ABCC5: variants seen among roughly 807,000 people sequenced by gnomAD.
ABCC5 encodes ATP binding cassette subfamily C member 5.
A neutral mutation model predicts 160.9 loss-of-function variants in ABCC5; 61 were observed. The observed-to-expected ratio is 0.38, with a 90% CI of 0.31 to 0.47. The LOEUF (loss-of-function observed/expected upper bound fraction) is 0.47. ABCC5 is among the 20% of genes least tolerant of loss of function. ABCC5 has a pLI of 0.99. For synonymous variants in ABCC5, 666 were observed against 700.6 expected, an observed-to-expected ratio of 0.95 and a Z score of 0.78; for missense variants, 1,308 against 1,813.3, an observed-to-expected ratio of 0.72 and a Z score of 5.06.
Position 183,949,728 on chromosome 3 carries a change from G to A in ABCC5, c.3227+25C>T, listed in dbSNP as rs768535399. ...GCTGGGATGCTGACTCCCCTTTGAG[G>A]CCTCTAGCCCCCATCAGGACAAACC... On this transcript the variant is annotated intron_variant, in intron 22 of 29. Coordinates refer to ENST00000334444, the MANE Select transcript of ABCC5 (RefSeq NM_005688.4). The surrounding 1 kb of genome is among the most constrained non-coding windows in gnomAD (Gnocchi z 4.2). 6.2e-7 allele frequency: 1 copy of A among 1,610,572 alleles called. No homozygotes were observed.
Position 183,945,863 on chromosome 3 carries a change from T to C in ABCC5, c.3491A>G (p.Asn1164Ser), listed in dbSNP as rs1249340841. Residue 1164 changes from asparagine (N) to serine (S), a missense_variant, in exon 24 of 30, where the codon AAT becomes AGT. Asn to Ser is a conservative substitution (Grantham distance 46, BLOSUM62 1). Transcript: ENST00000334444. ...CAGCAGTCTGACCTTAATGTAGTGA[T>C]TGATCCTCTCCACCGAGGTGAATCG... ...EARFTSVERINHYIKTLSLEA... is the reference protein window; with the variant it reads ...EARFTSVERISHYIKTLSLEA... 1.9e-6 allele frequency: 3 copies of C among 1,613,966 alleles called. No homozygotes were observed. In the South Asian group the frequency reaches 3.3e-5, roughly 18 times the overall value.
intron 29 of ABCC5, among the ~76,000 whole-genome samples, chr3:183,923,575 A>G (rs1712220232): frequency 6.6e-6 from 1 of 152,174 alleles, no homozygotes; most frequent in African/African-American, 2.4e-5. Context: ...GTGAGCCAAG[A>G]TTGCACCACT....
Position 183,949,510 on chromosome 3 carries a change from C to T in ABCC5, c.3227+243G>A, listed in dbSNP as rs939155133. 6.6e-6 allele frequency among the ~76,000 whole-genome samples: 1 copy of T among 152,286 alleles called. No individual in the cohort carries two copies. ...CCTCCAGCCTCAGCCTCCTGAGTAGCTGTGACTATAGGCACGTGATGCCGC... is the reference window on the plus strand; with the variant it reads ...CCTCCAGCCTCAGCCTCCTGAGTAGTTGTGACTATAGGCACGTGATGCCGC... On this transcript the variant is annotated intron_variant, in intron 22 of 29. Transcript: ENST00000334444. This position sits in a 1 kb window ranked among gnomAD's most constrained non-coding sequence, Gnocchi z 4.2.
At position 183,971,885 on chromosome 3, in the gene ABCC5, T is replaced by C; in HGVS notation, c.1439A>G (p.Lys480Arg). 6.2e-7 allele frequency: 1 copy of C among 1,614,164 alleles called. No homozygotes were observed. Among genetic ancestry groups the C allele is most frequent in the South Asian group, 1.1e-5 (1 of 91,080 alleles). The change falls in exon 11 of 30, where the codon AAG becomes AGG. Residue 480 changes from lysine (K) to arginine (R), a missense_variant. Coordinates refer to ENST00000334444, the MANE Select transcript of ABCC5 (RefSeq NM_005688.4). ...LFLMEEVHMIKNKPASPHIKI... is the reference protein window; with the variant it reads ...LFLMEEVHMIRNKPASPHIKI... ...GATGTGAGGACTGGCTGGTTTGTTC[T>C]TTATCATGTGAACCTCTTCCATTAG... is the stretch of plus-strand genomic sequence containing the variant.
chr3:184,012,014 A>ACACACAC, intron 2 of ABCC5, among the ~76,000 whole-genome samples: 1 of 145,380 alleles, frequency 6.9e-6, no homozygotes, highest in East Asian at 2.1e-4. Flanking sequence ...CATAGAACAC[A>ACACACAC]ACACACACAC....
intron 25 of ABCC5, among the ~76,000 whole-genome samples, chr3:183,939,569 T>C (rs903901349): frequency 2.0e-5 from 3 of 152,248 alleles, no homozygotes; most frequent in Non-Finnish European, 2.9e-5. Flanking sequence ...GGTCAACATT[T>C]AGTTTATGTA....
At chr3:183,959,298 G>A (rs986702637) in intron 17 of ABCC5, among the ~76,000 whole-genome samples, 23 of 152,170 alleles carry the variant, frequency 1.5e-4, no homozygotes, top group African/African-American at 4.8e-4. Context: ...ATATTGTCAA[G>A]ACAAAGTGAC....
At chr3:184,014,526 GAA>G (rs67088806) in intron 1 of ABCC5, 79 bp from the exon 2 acceptor site, 2,970 of 526,314 alleles carry the variant, frequency 5.6e-3, no homozygotes, top group Middle Eastern at 0.01. Context: ...TTAAAAATAG[GAA>G]AAAAAAAAAA....
At position 183,989,270 on chromosome 3, in the gene ABCC5, G is replaced by A. The variant is rs778522633; in HGVS notation, c.243C>T (p.Tyr81=). ...GCTTCAGAGCACTCAAGCCATGATGGTACTTTCCCTTGGGATGCTCCTCAT... is the reference window on the plus strand; with the variant it reads ...GCTTCAGAGCACTCAAGCCATGATGATACTTTCCCTTGGGATGCTCCTCAT... ...ILDEEHPKGK[Y]HHGLSALKPI... The change falls in exon 3 of 30, where the codon TAC becomes TAT. Residue 81 remains tyrosine, a synonymous_variant. Transcript: ENST00000334444. The A allele has an allele frequency of 2.5e-6, 4 of 1,613,152 alleles. No individual in the cohort carries two copies. Among genetic ancestry groups the A allele is most frequent in the Non-Finnish European group, 3.4e-6 (4 of 1,179,584 alleles).
intron 27 of ABCC5, among the ~76,000 whole-genome samples, chr3:183,928,392 G>A (rs1368785188): frequency 6.6e-6 from 1 of 152,166 alleles, no homozygotes; most frequent in African/African-American, 2.4e-5. Context: ...GATTACAGGC[G>A]AGAGCCACTG....
At chr3:183,962,548 T>G (rs1716864247) in intron 15 of ABCC5, among the ~76,000 whole-genome samples, 1 of 151,206 alleles carries the variant, frequency 6.6e-6, no homozygotes, top group South Asian at 2.1e-4. Context: ...TTTTTTTTTT[T>G]GTGACAGAGT....
chr3:183,992,304 A>C (rs1473187103), intron 2 of ABCC5, among the ~76,000 whole-genome samples: 1 of 152,204 alleles, frequency 6.6e-6, no homozygotes, highest in Non-Finnish European at 1.5e-5. Flanking sequence ...TGAGCTCAGG[A>C]GTTTGAGGCT....
Position 183,988,043 on chromosome 3 carries a change from A to T in ABCC5, c.444-126T>A. ...TCACACAAGTCTCTCCTTTAAAATT[A>T]TGTACATAGTCTTCACCTTCTGGGA... On this transcript the variant is annotated intron_variant, in intron 4 of 29. Coordinates refer to ENST00000334444, the MANE Select transcript of ABCC5 (RefSeq NM_005688.4). This position sits in a 1 kb window ranked among gnomAD's most constrained non-coding sequence, Gnocchi z 4.4. 1 of 1,044,458 alleles carries T rather than the reference A, an allele frequency of 9.6e-7. No individual in the cohort carries two copies. The highest frequency in any genetic ancestry group is 3.1e-4 in the Middle Eastern group (1 of 3,230). 64.7% of individuals were successfully genotyped at this position (1,044,458 alleles called of 1,614,324 possible). A position where few individuals can be genotyped will look rare whatever the true frequency, so the allele number is the denominator to read the frequency against.
Position 183,988,446 on chromosome 3 carries a change from C to T in ABCC5, c.443+126G>A. On this transcript the variant is annotated intron_variant, in intron 4 of 29. Transcript: ENST00000334444. This position sits in a 1 kb window ranked among gnomAD's most constrained non-coding sequence, Gnocchi z 4.4. Reference sequence around the variant, plus strand: ...CAAAAGAGCAAAGAGAAAGTCATCCCCAGGCCGCCCGCCCTCCACTGGACA... The same window carrying T: ...CAAAAGAGCAAAGAGAAAGTCATCCTCAGGCCGCCCGCCCTCCACTGGACA... The T allele has an allele frequency of 1.6e-6, 2 of 1,217,570 alleles. No homozygotes were observed. Among genetic ancestry groups the T allele is most frequent in the South Asian group, 3.2e-5 (2 of 61,916 alleles). The allele number at this position is 1,217,570 out of a possible 1,614,324, so 75.4% of individuals were successfully genotyped here. A position where few individuals can be genotyped will look rare whatever the true frequency, so the allele number is the denominator to read the frequency against.
At chr3:183,981,367 G>A (rs1718728421) in intron 8 of ABCC5, among the ~76,000 whole-genome samples, 1 of 152,168 alleles carries the variant, frequency 6.6e-6, no homozygotes, top group South Asian at 2.1e-4. Context: ...CAAAGGTGAT[G>A]CTCTCAGTAG....
At chr3:184,007,713 G>GCTA (rs1721346096) in intron 2 of ABCC5, among the ~76,000 whole-genome samples, 1 of 152,120 alleles carries the variant, frequency 6.6e-6, no homozygotes, top group Admixed American at 6.5e-5. Context: ...TGTAATCCCA[G>GCTA]CTACTTGGGA....
intron 2 of ABCC5, among the ~76,000 whole-genome samples, chr3:184,004,379 G>A (rs1029969752): frequency 6.6e-6 from 1 of 151,890 alleles, no homozygotes; most frequent in African/African-American, 2.4e-5. Context: ...GCATGGTGGT[G>A]CACACCTGTA....
At chr3:183,948,934 C>T (rs2108793065) in intron 22 of ABCC5, among the ~76,000 whole-genome samples, 1 of 152,280 alleles carries the variant, frequency 6.6e-6, no homozygotes, top group African/African-American at 2.4e-5. Context: ...GAACTCCTGA[C>T]CTCAGGCGAT....
At chr3:183,924,706 C>A (rs1413201339) in intron 29 of ABCC5, among the ~76,000 whole-genome samples, 1 of 152,180 alleles carries the variant, frequency 6.6e-6, no homozygotes, top group African/African-American at 2.4e-5. Flanking sequence ...GGTGACTCTG[C>A]CCTCAGAGAG....
Sources: allele counts gnomAD v4.1 joint callset (sites outside exome capture counted in the v4.1 genomes callset), GRCh38; gene constraint gnomAD v4.1.1; non-coding constraint Gnocchi (gnomAD v3.1); transcripts MANE v1.5; gene names NCBI Gene and HGNC (gene_info 2026-07-23, HGNC 2026-07-21).